Variants in NRG3 observed in about 807,000 individuals in gnomAD.
NRG3 encodes pro-neuregulin-3, membrane-bound isoform.
Under a neutral mutation model 66.9 loss-of-function variants are expected in NRG3, and 31 were observed. The ratio of observed to expected loss-of-function variants is 0.46; its 90% CI spans 0.35 to 0.63. The LOEUF (loss-of-function observed/expected upper bound fraction) is 0.63. Ranked by LOEUF, NRG3 falls within the 20% of genes least tolerant of loss-of-function variation. The probability of loss-of-function intolerance (pLI) is 0.00; values close to 1 mark genes in which losing one functional copy is unlikely to be tolerated. For synonymous variants in NRG3, 393 were observed against 359.4 expected (o/e 1.09, Z -1.06); for missense variants, 910 against 878.9 (o/e 1.04, Z -0.45).
chr10:82,764,756 T>C (rs1472285195), intron 3 of NRG3, among the ~76,000 whole-genome samples: 1 of 152,112 alleles, frequency 6.6e-6, no homozygotes, highest in Non-Finnish European at 1.5e-5. Flanking sequence ...GTCAGTAAAC[T>C]CTAGGTATAA....
chr10:82,414,221 C>T (rs1201890819), intron 2 of NRG3, among the ~76,000 whole-genome samples: 5 of 151,830 alleles, frequency 3.3e-5, no homozygotes, highest in East Asian at 1.9e-4. Context: ...CACACAGAGG[C>T]GGTTGTAAGT....
chr10:82,665,303 G>A (rs1247541477), intron 2 of NRG3, among the ~76,000 whole-genome samples: 3 of 152,128 alleles, frequency 2.0e-5, no homozygotes, highest in Non-Finnish European at 4.4e-5. Context: ...TATTCTTTGA[G>A]ATACAACATA....
intron 1 of NRG3, among the ~76,000 whole-genome samples, chr10:82,103,662 T>C (rs953705606): frequency 6.6e-6 from 1 of 152,178 alleles, no homozygotes; most frequent in East Asian, 1.9e-4. Flanking sequence ...TGTTGGTTTA[T>C]ACACAGAATT....
At chr10:82,720,972 A>T (rs186109125) in intron 2 of NRG3, among the ~76,000 whole-genome samples, 3 of 150,872 alleles carry the variant, frequency 2.0e-5, no homozygotes, top group Middle Eastern at 3.5e-3. Context: ...CCAGTTAAAT[A>T]GTATTCCTCT....
intron 2 of NRG3, among the ~76,000 whole-genome samples, chr10:82,597,182 G>A (rs1464148315): frequency 2.6e-5 from 4 of 152,194 alleles, no homozygotes; most frequent in African/African-American, 7.2e-5. Flanking sequence ...GTATACATGT[G>A]TGTATGTTTG....
At chr10:82,504,550 C>A (rs752633525) in intron 2 of NRG3, among the ~76,000 whole-genome samples, 1 of 152,124 alleles carries the variant, frequency 6.6e-6, no homozygotes, top group African/African-American at 2.4e-5. Flanking sequence ...TTGTGGGAAG[C>A]CCAGTGCTTC....
Position 82,899,863 on chromosome 10 carries a change from G to A in NRG3, c.1054+34426G>A, listed in dbSNP as rs145457596. Among the ~76,000 whole-genome samples the A allele has an allele frequency of 3.9e-3, 590 of 152,306 alleles. 4 individuals carry two copies. The highest frequency in any genetic ancestry group is 5.4e-3 in the Non-Finnish European group (369 of 68,032). On this transcript the variant is annotated intron_variant, in intron 4 of 8. Coordinates refer to ENST00000372141, the MANE Select transcript of NRG3 (RefSeq NM_001010848.4). ...GAAGGTAGAAGAAATTAATGGTTACGAGAGGGGTAGAGGAAATTAAAGTTA... is the reference window on the plus strand; with the variant it reads ...GAAGGTAGAAGAAATTAATGGTTACAAGAGGGGTAGAGGAAATTAAAGTTA...
intron 2 of NRG3, among the ~76,000 whole-genome samples, chr10:82,601,041 A>G (rs604543): frequency 0.078 from 11,935 of 152,210 alleles, 591 homozygotes; most frequent in East Asian, 0.15. Flanking sequence ...AAGAACACAC[A>G]CTATTTGGTT....
intron 1 of NRG3, among the ~76,000 whole-genome samples, chr10:82,241,394 G>A (rs1217935827): frequency 6.6e-6 from 1 of 151,888 alleles, no homozygotes; most frequent in African/African-American, 2.4e-5. Context: ...TATACAAGGG[G>A]TATCTTTTGT....
At chr10:82,165,933 A>G (rs1317422835) in intron 1 of NRG3, among the ~76,000 whole-genome samples, 3 of 150,532 alleles carry the variant, frequency 2.0e-5, no homozygotes, top group Admixed American at 6.6e-5. Context: ...CTTGCTATTC[A>G]TTTTTTATTT....
intron 1 of NRG3, among the ~76,000 whole-genome samples, chr10:82,097,432 TATATATATATCTGTA>T (rs1326039779): frequency 2.8e-5 from 4 of 142,414 alleles, no homozygotes; most frequent in East Asian, 2.0e-4. Flanking sequence ...GTAATATATA[TATATATATATCTGTA>T]ATATATATAT....
At chr10:82,228,093 T>C (rs1262634232) in intron 1 of NRG3, among the ~76,000 whole-genome samples, 1 of 152,112 alleles carries the variant, frequency 6.6e-6, no homozygotes. Flanking sequence ...CTCACATAAC[T>C]GTAGGAAAAG....
chr10:82,055,542 G>T (rs143382444), intron 1 of NRG3, among the ~76,000 whole-genome samples: 15 of 151,944 alleles, frequency 9.9e-5, no homozygotes, highest in African/African-American at 3.1e-4. Flanking sequence ...AAAACTGACT[G>T]GAGTGAGGTA....
At chr10:82,652,290 A>G (rs181115917) in intron 2 of NRG3, among the ~76,000 whole-genome samples, 4 of 152,268 alleles carry the variant, frequency 2.6e-5, no homozygotes, top group Admixed American at 2.6e-4. Flanking sequence ...TTTTGTATCC[A>G]CACTCTTGGC....
chr10:82,200,819 A>G (rs1039916991), intron 1 of NRG3, among the ~76,000 whole-genome samples: 2 of 152,094 alleles, frequency 1.3e-5, no homozygotes, highest in African/African-American at 4.8e-5. Context: ...AGGGCTTGCA[A>G]TGTCATGTCC....
intron 2 of NRG3, among the ~76,000 whole-genome samples, chr10:82,377,457 T>TGTGTGTGC (rs57900993): frequency 1.0e-4 from 15 of 150,456 alleles, no homozygotes; most frequent in African/African-American, 3.5e-4. Context: ...TGTGTGTGTG[T>TGTGTGTGC]GCGCGAGCGC....
intron 1 of NRG3, among the ~76,000 whole-genome samples, chr10:81,908,535 A>G (rs952588576): frequency 6.6e-6 from 1 of 152,192 alleles, no homozygotes; most frequent in Non-Finnish European, 1.5e-5. Flanking sequence ...AAGCTGATTC[A>G]CTGGCTTTGT....
intron 2 of NRG3, among the ~76,000 whole-genome samples, chr10:82,562,745 T>TG (rs1286092352): frequency 2.6e-5 from 4 of 151,706 alleles, no homozygotes; most frequent in African/African-American, 9.7e-5. Flanking sequence ...TGGAGTGACG[T>TG]GGGGACCTAC....
Position 82,386,457 on chromosome 10 carries a change from G to A in NRG3, c.953+27589G>A, listed in dbSNP as rs115730986. Among the ~76,000 whole-genome samples, 686 of 152,254 alleles carry A rather than the reference G, an allele frequency of 4.5e-3. 8 individuals are homozygous for A. The highest frequency in any genetic ancestry group is 0.015 in the African/African-American group (635 of 41,540). On this transcript the variant is annotated intron_variant, in intron 2 of 8. Coordinates refer to ENST00000372141, the MANE Select transcript of NRG3 (RefSeq NM_001010848.4). ...CTGGAGAATGAAATATTCAGCCTAGGTCTCATTGTCATCATAAATTCCTAA... is the reference window on the plus strand; with the variant it reads ...CTGGAGAATGAAATATTCAGCCTAGATCTCATTGTCATCATAAATTCCTAA...
Sources: gnomAD v4.1 joint callset for allele counts (sites outside exome capture counted in the v4.1 genomes callset) on GRCh38, gnomAD v4.1.1 for gene constraint, MANE v1.5 for transcripts, NCBI Gene and HGNC (gene_info 2026-07-23, HGNC 2026-07-21) for gene names.